Variants in PALS2 observed in about 807,000 individuals in gnomAD.
PALS2 encodes protein associated with LIN7 2, MAGUK p55 family member.
Under a neutral mutation model 61.6 loss-of-function variants are expected in PALS2, and 27 were observed. That is an observed-to-expected ratio of 0.44 (90% CI 0.32 to 0.60). PALS2 has a LOEUF of 0.60. Among genes scored for constraint, PALS2 ranks in the 20% least tolerant of loss-of-function variants. PALS2 has a pLI of 0.05. For synonymous variants in PALS2, 236 were observed against 218.6 expected (o/e 1.08, Z -0.70); for missense variants, 554 against 639.4 (o/e 0.87, Z 1.44).
In PALS2 at chr7:24,631,232, C is replaced by G. The variant is rs530114184; in HGVS notation, c.117+7448C>G. On this transcript the variant is annotated intron_variant, in intron 2 of 11. Coordinates refer to ENST00000222644, the MANE Select transcript of PALS2 (RefSeq NM_001303037.2). The stretch of plus-strand genomic sequence containing the variant: ...AGTTGGGGAGAAGTTGAGTCCAGCT[C>G]TCATGGATGACTTTGAGGGATTCAA... 5.9e-5 allele frequency among the ~76,000 whole-genome samples: 9 copies of G among 152,266 alleles called. No individual in the cohort carries two copies. The East Asian group carries it at 1.2e-3, about 20-fold the overall frequency.
At chr7:24,653,836 C>A (rs1468723473) in intron 5 of PALS2, among the ~76,000 whole-genome samples, 4 of 152,168 alleles carry the variant, frequency 2.6e-5, no homozygotes, top group African/African-American at 9.7e-5. Flanking sequence ...CATTACCAGA[C>A]ATGCTGAGAC....
At chr7:24,625,133 T>G (rs1784687216) in intron 2 of PALS2, among the ~76,000 whole-genome samples, 1 of 152,204 alleles carries the variant, frequency 6.6e-6, no homozygotes, top group Admixed American at 6.5e-5. Flanking sequence ...CCTACTGTTT[T>G]AAAGTAATAG....
At chr7:24,608,875 AATGCTGGCATTACAGGT>A (rs1583868237) in intron 1 of PALS2, among the ~76,000 whole-genome samples, 1 of 152,110 alleles carries the variant, frequency 6.6e-6, no homozygotes, top group East Asian at 1.9e-4. Context: ...AGCCTCCTGA[AATGCTGGCATTACAGGT>A]GTGAGGCAGC....
At chr7:24,662,117 A>G (rs1008560526) in intron 5 of PALS2, among the ~76,000 whole-genome samples, 3 of 152,198 alleles carry the variant, frequency 2.0e-5, no homozygotes, top group Non-Finnish European at 4.4e-5. Flanking sequence ...CTACTGATTT[A>G]AGGATTAATA....
At chr7:24,635,249 A>C (rs1583913998) in intron 2 of PALS2, among the ~76,000 whole-genome samples, 2 of 152,130 alleles carry the variant, frequency 1.3e-5, no homozygotes, top group African/African-American at 4.8e-5. Context: ...TAATTTTCAG[A>C]GTATAAATTT....
chr7:24,686,997 TAG>T (rs971344997), intron 11 of PALS2, among the ~76,000 whole-genome samples: 1 of 152,198 alleles, frequency 6.6e-6, no homozygotes, highest in Non-Finnish European at 1.5e-5. Context: ...TCTGATCTTA[TAG>T]AGAGGTAGCA....
chr7:24,623,950 C>A, intron 2 of PALS2, 166 bp downstream of exon 2: 3 of 1,005,182 alleles, frequency 3.0e-6, no homozygotes, highest in Admixed American at 2.6e-5. Context: ...AAAATTAGAC[C>A]ATTTTTCTCT....
chr7:24,633,321 T>C (rs1243302293), intron 2 of PALS2, among the ~76,000 whole-genome samples: 5 of 151,286 alleles, frequency 3.3e-5, no homozygotes, highest in African/African-American at 1.2e-4. Context: ...ATGATAACTT[T>C]ACTGGATAGG....
At chr7:24,607,552 T>A (rs1175029872) in intron 1 of PALS2, among the ~76,000 whole-genome samples, 1 of 150,700 alleles carries the variant, frequency 6.6e-6, no homozygotes, top group African/African-American at 2.5e-5. Flanking sequence ...CGTGTATATA[T>A]GTATGTGTAT....
At chr7:24,655,308 AT>A (rs1437590643) in intron 5 of PALS2, among the ~76,000 whole-genome samples, 1 of 152,160 alleles carries the variant, frequency 6.6e-6, no homozygotes. Flanking sequence ...GCATGATACT[AT>A]TTTTTTACGT....
At chr7:24,653,272 T>C (rs1786252041) in intron 5 of PALS2, among the ~76,000 whole-genome samples, 1 of 152,084 alleles carries the variant, frequency 6.6e-6, no homozygotes, top group Non-Finnish European at 1.5e-5. Flanking sequence ...CATATGTATG[T>C]AACTAAGCAC....
rs1370065752 is a variant in PALS2 at position 24,693,836 on chromosome 7, G to T, written c.*6222G>T. ...ATTTCTCCATGTTATGTTGAGCTCT[G>T]TTGGAGCCTATGGTGAGTATTTGAT... is the stretch of plus-strand genomic sequence containing the variant. On this transcript the variant is annotated 3_prime_UTR_variant, in exon 12 of 12. Transcript: ENST00000222644. 1 of 152,258 alleles carries T rather than the reference G, an allele frequency of 6.6e-6. No homozygotes were observed. The highest frequency in any genetic ancestry group is 1.9e-4 in the East Asian group (1 of 5,190). 9.4% of individuals were successfully genotyped at this position (152,258 alleles called of 1,614,324 possible).
At chr7:24,676,706 G>C (rs988408050) in intron 9 of PALS2, among the ~76,000 whole-genome samples, 49 of 151,024 alleles carry the variant, frequency 3.2e-4, no homozygotes, top group Non-Finnish European at 6.0e-4. Flanking sequence ...CGTTATTTCT[G>C]AGGGCTCTGT....
chr7:24,686,980 A>G (rs796907069), intron 11 of PALS2, among the ~76,000 whole-genome samples: 58 of 152,316 alleles, frequency 3.8e-4, no homozygotes, highest in African/African-American at 1.4e-3. Context: ...AAACACTTCT[A>G]AGATTCTCTG....
chr7:24,619,417 A>G (rs1784408279), intron 1 of PALS2, among the ~76,000 whole-genome samples: 1 of 152,114 alleles, frequency 6.6e-6, no homozygotes, highest in Admixed American at 6.5e-5. Flanking sequence ...TCTCTAGCCC[A>G]TGTAAGAATC....
chr7:24,578,465 G>A lies in PALS2; in HGVS notation c.-3+4872G>A, dbSNP rs545753242. On this transcript the variant is annotated intron_variant, in intron 1 of 11. Coordinates refer to ENST00000222644, the MANE Select transcript of PALS2 (RefSeq NM_001303037.2). Reference sequence around the variant, plus strand: ...GAAATCCATTCTAGTTGTTATAAAGGGAATTTATCGTTCAAATGCAGCCAA... The same window carrying A: ...GAAATCCATTCTAGTTGTTATAAAGAGAATTTATCGTTCAAATGCAGCCAA... 7.2e-5 allele frequency among the ~76,000 whole-genome samples: 11 copies of A among 152,298 alleles called. No homozygotes were observed. The South Asian group carries it at 2.3e-3, about 32-fold the overall frequency.
intron 1 of PALS2, among the ~76,000 whole-genome samples, chr7:24,582,586 G>A (rs927078025): frequency 6.6e-6 from 1 of 151,958 alleles, no homozygotes; most frequent in Non-Finnish European, 1.5e-5. Context: ...AAGTTTGAAT[G>A]TGGCTATCTT....
intron 1 of PALS2, among the ~76,000 whole-genome samples, chr7:24,592,720 C>T (rs957987256): frequency 6.6e-6 from 1 of 152,106 alleles, no homozygotes; most frequent in Admixed American, 6.6e-5. Context: ...GATTACACTA[C>T]ACTGTAGATT....
intron 11 of PALS2, among the ~76,000 whole-genome samples, chr7:24,683,887 C>T (rs1372064313): frequency 6.6e-6 from 1 of 152,114 alleles, no homozygotes. Context: ...TAATTCCTTT[C>T]TCTTATGCTG....
Sources: allele counts gnomAD v4.1 joint callset (sites outside exome capture counted in the v4.1 genomes callset), GRCh38; gene constraint gnomAD v4.1.1; transcripts MANE v1.5; gene names NCBI Gene and HGNC (gene_info 2026-07-23, HGNC 2026-07-21).